The following MALRD1 variants were observed in gnomAD, a reference collection of about 807,000 sequenced individuals.
MALRD1 encodes MAM and LDL receptor class A domain containing 1, also known as MAM and LDL-receptor class A domain-containing protein 1.
Under a neutral mutation model 242.1 loss-of-function variants are expected in MALRD1, and 247 were observed. That is an observed-to-expected ratio of 1.02 (90% CI 0.92 to 1.13). The LOEUF (loss-of-function observed/expected upper bound fraction) is 1.13, where lower values mean the gene tolerates loss of function less well. Ranked by LOEUF, MALRD1 falls within the 50% of genes most tolerant of loss-of-function variation. The pLI, the probability that MALRD1 is intolerant of heterozygous loss-of-function variation, is 0.00. For synonymous variants in MALRD1, 995 were observed against 866.6 expected, an observed-to-expected ratio of 1.15 and a Z score of -2.60; for missense variants, 2,989 against 2,533.1, an observed-to-expected ratio of 1.18 and a Z score of -3.86.
intron 28 of MALRD1, among the ~76,000 whole-genome samples, chr10:19,429,532 C>T (rs935767413): frequency 5.9e-5 from 9 of 152,158 alleles, no homozygotes; most frequent in African/African-American, 2.2e-4. Context: ...CCATTGTACC[C>T]CAGCCTGGGC....
intron 26 of MALRD1, among the ~76,000 whole-genome samples, chr10:19,375,920 G>A (rs116984817): frequency 0.012 from 1,862 of 152,184 alleles, 19 homozygotes; most frequent in Non-Finnish European, 0.013. Context: ...TCAACAGATC[G>A]AGACCATCCT....
chr10:19,619,349 A>G (rs749625116), intron 36 of MALRD1, among the ~76,000 whole-genome samples: 1 of 151,902 alleles, frequency 6.6e-6, no homozygotes, highest in African/African-American at 2.4e-5. Flanking sequence ...CCTTTCCACA[A>G]TATTTTGTAA....
chr10:19,233,523 C>A (rs1240090727), intron 18 of MALRD1, among the ~76,000 whole-genome samples: 2 of 151,730 alleles, frequency 1.3e-5, no homozygotes, highest in East Asian at 1.9e-4. Flanking sequence ...AAACAAAAAT[C>A]AATTACATTC....
At chr10:19,512,608 G>A (rs1833455211) in intron 31 of MALRD1, among the ~76,000 whole-genome samples, 1 of 152,174 alleles carries the variant, frequency 6.6e-6, no homozygotes, top group African/African-American at 2.4e-5. Flanking sequence ...ATACAGGAAA[G>A]CTTCTGTCTA....
intron 32 of MALRD1, among the ~76,000 whole-genome samples, chr10:19,564,551 A>G (rs1351070406): frequency 1.3e-5 from 2 of 152,074 alleles, no homozygotes; most frequent in Non-Finnish European, 2.9e-5. Flanking sequence ...AAATGTTGAC[A>G]GTTAATATAT....
intron 34 of MALRD1, among the ~76,000 whole-genome samples, chr10:19,602,902 A>G (rs1446950521): frequency 6.6e-6 from 1 of 152,026 alleles, no homozygotes; most frequent in Non-Finnish European, 1.5e-5. Flanking sequence ...CTGGTGTGAG[A>G]TGGTATCTCA....
At chr10:19,298,163 C>T (rs1040449129) in intron 21 of MALRD1, among the ~76,000 whole-genome samples, 2 of 151,816 alleles carry the variant, frequency 1.3e-5, no homozygotes, top group Admixed American at 6.6e-5. Context: ...CAGAAAAGGC[C>T]AAAGGGGAAA....
At chr10:19,335,391 AT>A (rs1050288767) in intron 24 of MALRD1, among the ~76,000 whole-genome samples, 8 of 151,542 alleles carry the variant, frequency 5.3e-5, no homozygotes, top group Admixed American at 2.0e-4. Flanking sequence ...AGCATTGCTA[AT>A]TTTTTTTTAA....
intron 18 of MALRD1, among the ~76,000 whole-genome samples, chr10:19,229,326 C>G (rs533197401): frequency 6.6e-6 from 1 of 151,816 alleles, no homozygotes; most frequent in South Asian, 2.1e-4. Flanking sequence ...ATATTTACAC[C>G]AAAAGAAATT....
intron 1 of MALRD1, among the ~76,000 whole-genome samples, chr10:19,060,411 A>C (rs1367432231): frequency 6.6e-6 from 1 of 151,878 alleles, no homozygotes; most frequent in Non-Finnish European, 1.5e-5. Flanking sequence ...TTCCTTTTTG[A>C]TCTATTTTCC....
intron 24 of MALRD1, among the ~76,000 whole-genome samples, chr10:19,346,634 A>G (rs1228859687): frequency 2.0e-5 from 3 of 152,022 alleles, no homozygotes; most frequent in Admixed American, 6.6e-5. Flanking sequence ...TTACTTATCA[A>G]ATTACTCACT....
Position 19,049,026 on chromosome 10 carries a change from C to G in MALRD1, c.88C>G (p.Leu30Val). ...LWIACVFNST[L>V]AQQGTESFQC... is the part of the protein sequence containing the mutation. ...GATTGCCTGTGTTTTCAATTCTACA[C>G]TGGCTCAGCAAGGGACAGAAAGCTT... The change falls in exon 1 of 40, where the codon CTG becomes GTG. Residue 30 changes from leucine (L) to valine (V), a missense_variant. Transcript: ENST00000454679. 1 of 1,233,944 alleles carries G rather than the reference C, an allele frequency of 8.1e-7. No individual in the cohort carries two copies. The highest frequency in any genetic ancestry group is 1.0e-6 in the Non-Finnish European group (1 of 988,150). 76.4% of individuals were successfully genotyped at this position (1,233,944 alleles called of 1,614,324 possible). A position where few individuals can be genotyped will look rare whatever the true frequency, so the allele number is the denominator to read the frequency against.
intron 38 of MALRD1, among the ~76,000 whole-genome samples, chr10:19,706,747 TA>T (rs1833885312): frequency 6.6e-6 from 1 of 152,178 alleles, no homozygotes; most frequent in African/African-American, 2.4e-5. Context: ...CAGAGAAGGA[TA>T]GCAGTTGGAT....
At chr10:19,165,915 C>A in intron 13 of MALRD1, 105 bp downstream of exon 13, 1 of 839,404 alleles carries the variant, frequency 1.2e-6, no homozygotes, top group Non-Finnish European at 1.6e-6. Context: ...TTCAGGTGAG[C>A]ACATATGAAA....
chr10:19,718,940 G>A (rs2131897218), intron 38 of MALRD1, among the ~76,000 whole-genome samples: 1 of 151,572 alleles, frequency 6.6e-6, no homozygotes, highest in Non-Finnish European at 1.5e-5. Flanking sequence ...GCCAAGGCAG[G>A]AGGATTGCTT....
At chr10:19,375,361 G>A (rs111775641) in intron 26 of MALRD1, among the ~76,000 whole-genome samples, 16 of 152,276 alleles carry the variant, frequency 1.1e-4, no homozygotes, top group South Asian at 2.1e-4. Context: ...ATAAGATAGT[G>A]TAGCTTGATC....
chr10:19,229,183 C>T (rs966707369), intron 18 of MALRD1, among the ~76,000 whole-genome samples: 1 of 152,066 alleles, frequency 6.6e-6, no homozygotes, highest in Non-Finnish European at 1.5e-5. Flanking sequence ...TGGCATGAAT[C>T]GAGCATCTTT....
chr10:19,389,566 T>C lies in MALRD1; in HGVS notation c.4802T>C (p.Phe1601Ser). 1 of 1,550,760 alleles carries C rather than the reference T, an allele frequency of 6.4e-7. No individual in the cohort carries two copies. Among genetic ancestry groups the C allele is most frequent in the Non-Finnish European group, 8.7e-7 (1 of 1,146,972 alleles). Residue 1601 changes from phenylalanine (F) to serine (S), a missense_variant, in exon 28 of 40, where the codon TTC (phenylalanine) becomes TCC (serine). By Grantham distance (155) the Phe-to-Ser change is radical. Coordinates refer to ENST00000454679, the MANE Select transcript of MALRD1 (RefSeq NM_001142308.3). ...GCCTGCACCATGAGCTTCTGGTATT[T>C]CGTATCTGCAAAGGCCACAGGATCC... ...SAACTMSFWY[F>S]VSAKATGSIQ...
intron 18 of MALRD1, among the ~76,000 whole-genome samples, chr10:19,219,967 A>T (rs754241854): frequency 6.6e-6 from 1 of 152,196 alleles, no homozygotes; most frequent in Non-Finnish European, 1.5e-5. Context: ...ATTTGTTATC[A>T]TAGATGGTCC....
Sources: gnomAD v4.1 joint callset for allele counts (sites outside exome capture counted in the v4.1 genomes callset) on GRCh38, gnomAD v4.1.1 for gene constraint, MANE v1.5 for transcripts, NCBI Gene and HGNC (gene_info 2026-07-23, HGNC 2026-07-21) for gene names.